MACROD2: variants seen among roughly 807,000 people sequenced by gnomAD.
MACROD2 encodes mono-ADP ribosylhydrolase 2, also known as ADP-ribose glycohydrolase MACROD2.
In MACROD2, 36 loss-of-function variants were observed where a neutral mutation model predicts 70.4. The ratio of observed to expected loss-of-function variants is 0.51; its 90% CI spans 0.39 to 0.68. MACROD2 has a LOEUF of 0.68. Among genes scored for constraint, MACROD2 ranks in the 30% least tolerant of loss-of-function variants. The pLI is 0.00. For missense variants in MACROD2, 496 were observed against 538.4 expected (o/e 0.92, Z 0.78); for synonymous variants, 172 against 178.8 (o/e 0.96, Z 0.30).
chr20:14,378,514 G>A (rs1349372685), intron 3 of MACROD2, among the ~76,000 whole-genome samples: 4 of 152,170 alleles, frequency 2.6e-5, no homozygotes, highest in African/African-American at 4.8e-5. Flanking sequence ...TTGCATCACA[G>A]CTCAGCTTTT....
chr20:14,188,641 A>G (rs1281198087), intron 3 of MACROD2, among the ~76,000 whole-genome samples: 1 of 152,174 alleles, frequency 6.6e-6, no homozygotes, highest in African/African-American at 2.4e-5. Context: ...TGAAATAACA[A>G]CATTGTTTTC....
intron 8 of MACROD2, among the ~76,000 whole-genome samples, chr20:15,856,209 T>C (rs1349940638): frequency 6.6e-6 from 1 of 152,178 alleles, no homozygotes; most frequent in African/African-American, 2.4e-5. Context: ...CAATACTTGA[T>C]ATTGTCTTTT....
At chr20:14,649,045 G>A (rs1380592496) in intron 4 of MACROD2, among the ~76,000 whole-genome samples, 1 of 152,156 alleles carries the variant, frequency 6.6e-6, no homozygotes, top group Non-Finnish European at 1.5e-5. Context: ...TCCTGTGTAT[G>A]TTTGTGAACT....
At chr20:14,306,196 G>A (rs2122503509) in intron 3 of MACROD2, among the ~76,000 whole-genome samples, 1 of 152,054 alleles carries the variant, frequency 6.6e-6, no homozygotes, top group South Asian at 2.1e-4. Flanking sequence ...CTATTAAGTT[G>A]GGAATGTTGT....
At chr20:14,541,671 G>C (rs138840042) in intron 4 of MACROD2, among the ~76,000 whole-genome samples, 32 of 152,076 alleles carry the variant, frequency 2.1e-4, no homozygotes, top group African/African-American at 7.7e-4. Flanking sequence ...AGAGGGAATG[G>C]TGTCTATAAA....
intron 5 of MACROD2, among the ~76,000 whole-genome samples, chr20:14,803,214 C>G (rs1175613678): frequency 1.3e-5 from 2 of 152,058 alleles, no homozygotes; most frequent in Non-Finnish European, 2.9e-5. Flanking sequence ...AAGTGGAGAC[C>G]ATGATTTGAA....
At chr20:14,670,987 G>T (rs1395123256) in intron 4 of MACROD2, among the ~76,000 whole-genome samples, 3 of 152,086 alleles carry the variant, frequency 2.0e-5, no homozygotes, top group Non-Finnish European at 4.4e-5. Context: ...TAATAAGCTT[G>T]CCTGGAAGCC....
At chr20:14,252,553 A>G (rs959522596) in intron 3 of MACROD2, among the ~76,000 whole-genome samples, 6 of 151,916 alleles carry the variant, frequency 3.9e-5, no homozygotes, top group Admixed American at 6.6e-5. Flanking sequence ...CCTCACTTGT[A>G]TATAGCTTCA....
chr20:14,347,603 A>G (rs2122683430), intron 3 of MACROD2, among the ~76,000 whole-genome samples: 1 of 152,198 alleles, frequency 6.6e-6, no homozygotes, highest in African/African-American at 2.4e-5. Context: ...TCTTCCAGGG[A>G]AGAGAGATGA....
chr20:15,071,745 A>T (rs1382357223), intron 5 of MACROD2, among the ~76,000 whole-genome samples: 1 of 152,210 alleles, frequency 6.6e-6, no homozygotes, highest in Non-Finnish European at 1.5e-5. Context: ...CACCTTAGAA[A>T]CAAAACTAAA....
At position 14,099,325 on chromosome 20, in the gene MACROD2, T is replaced by G. The variant is rs146597234; in HGVS notation, c.271+13597T>G. Among the ~76,000 whole-genome samples the G allele has an allele frequency of 3.4e-3, 513 of 152,202 alleles. 6 individuals carry two copies. The highest frequency in any genetic ancestry group is 0.012 in the African/African-American group (494 of 41,550). ...TGTTACCAGTACCCCAGAAGCCCTC[T>G]TGGCATCCCTGGTAATGAATATAGT... On this transcript the variant is annotated intron_variant, in intron 3 of 17. Coordinates refer to ENST00000684519, the MANE Select transcript of MACROD2 (RefSeq NM_001351661.2).
intron 6 of MACROD2, among the ~76,000 whole-genome samples, chr20:15,423,697 C>A (rs1011891289): frequency 2.0e-5 from 3 of 152,094 alleles, no homozygotes; most frequent in African/African-American, 7.2e-5. Context: ...AGGGCTCCAC[C>A]CTTATCCCCT....
chr20:15,719,005 T>G (rs1477294311), intron 8 of MACROD2, among the ~76,000 whole-genome samples: 3 of 152,172 alleles, frequency 2.0e-5, no homozygotes, highest in Admixed American at 2.0e-4. Flanking sequence ...ATTAAACAGT[T>G]TTCTAATCCT....
At chr20:14,397,968 T>C (rs976127203) in intron 3 of MACROD2, among the ~76,000 whole-genome samples, 8 of 152,046 alleles carry the variant, frequency 5.3e-5, no homozygotes, top group African/African-American at 1.4e-4. Context: ...TGTTTCCACA[T>C]GTGAGTAAGA....
intron 3 of MACROD2, among the ~76,000 whole-genome samples, chr20:14,298,439 GTGTC>G (rs2082445783): frequency 6.6e-6 from 1 of 151,526 alleles, no homozygotes; most frequent in Non-Finnish European, 1.5e-5. Flanking sequence ...GTGGTGGTGG[GTGTC>G]TGTAATCCTA....
intron 3 of MACROD2, among the ~76,000 whole-genome samples, chr20:14,185,558 G>A (rs958197512): frequency 6.6e-5 from 10 of 151,994 alleles, no homozygotes; most frequent in Admixed American, 3.9e-4. Context: ...TAGGTAATAT[G>A]CCATTAAAGC....
chr20:14,928,945 T>G (rs907475069), intron 5 of MACROD2, among the ~76,000 whole-genome samples: 1 of 152,192 alleles, frequency 6.6e-6, no homozygotes, highest in Non-Finnish European at 1.5e-5. Flanking sequence ...GTTGCTTACA[T>G]TATAAGCATA....
At chr20:15,786,826 A>G (rs2051936333) in intron 8 of MACROD2, among the ~76,000 whole-genome samples, 1 of 152,248 alleles carries the variant, frequency 6.6e-6, no homozygotes, top group East Asian at 1.9e-4. Flanking sequence ...TTATAAATAG[A>G]ATACAAACAT....
intron 6 of MACROD2, among the ~76,000 whole-genome samples, chr20:15,258,310 G>T (rs954387918): frequency 2.6e-5 from 4 of 151,988 alleles, no homozygotes; most frequent in Admixed American, 6.6e-5. Context: ...AATGTGTGAG[G>T]CCTTCACACT....
Sources: allele counts gnomAD v4.1 joint callset (sites outside exome capture counted in the v4.1 genomes callset), GRCh38; gene constraint gnomAD v4.1.1; transcripts MANE v1.5; gene names NCBI Gene and HGNC (gene_info 2026-07-23, HGNC 2026-07-21).